The following ATXN1 variants were observed in gnomAD, a reference collection of about 807,000 sequenced individuals.
ATXN1 encodes ataxin-1.
ATXN1 carries 8 observed loss-of-function variants against 56.4 expected under a neutral mutation model. That is an observed-to-expected ratio of 0.14 (90% CI 0.08 to 0.26). The LOEUF is 0.26. Among genes scored for constraint, ATXN1 ranks in the 10% least tolerant of loss-of-function variants. The probability of loss-of-function intolerance (pLI) is 1.00; values close to 1 mark genes in which losing one functional copy is unlikely to be tolerated. For missense variants in ATXN1, 987 were observed against 1,106.5 expected (o/e 0.89, Z 1.53); for synonymous variants, 514 against 494.6 (o/e 1.04, Z -0.52).
In ATXN1 at chr6:16,722,760, A is replaced by G. The variant is rs183560843; in HGVS notation, c.-615+30473T>C. Among the ~76,000 whole-genome samples the G allele has an allele frequency of 7.5e-4, 115 of 152,342 alleles. 3 individuals carry two copies. Among genetic ancestry groups the G allele is most frequent in the Non-Finnish European group, 4.7e-4 (32 of 68,032 alleles). On this transcript the variant is annotated intron_variant, in intron 2 of 7. Transcript: ENST00000436367. ...TTAATATTTCCTGTAATAAAAACTG[A>G]GGTGTAGTTACTCAGGTTCTTTAGT...
At chr6:16,565,551 CA>C (rs1762202190) in intron 4 of ATXN1, among the ~76,000 whole-genome samples, 1 of 151,982 alleles carries the variant, frequency 6.6e-6, no homozygotes, top group South Asian at 2.1e-4. Flanking sequence ...TATTCATTTG[CA>C]AAAATAACAA....
intron 4 of ATXN1, among the ~76,000 whole-genome samples, chr6:16,524,828 G>A (rs1761360068): frequency 6.6e-6 from 1 of 152,128 alleles, no homozygotes; most frequent in South Asian, 2.1e-4. Flanking sequence ...CAAGCCAGGT[G>A]GATCACCTGA....
At chr6:16,533,221 A>AAAG (rs372406871) in intron 4 of ATXN1, among the ~76,000 whole-genome samples, 11 of 152,172 alleles carry the variant, frequency 7.2e-5, no homozygotes, top group Middle Eastern at 3.4e-3. Context: ...ATCACAATAA[A>AAAG]AAGAAGAAGA....
chr6:16,673,057 G>A (rs971950729), intron 2 of ATXN1, among the ~76,000 whole-genome samples: 10 of 148,396 alleles, frequency 6.7e-5, no homozygotes, highest in South Asian at 2.2e-4. Flanking sequence ...GAAAGAAAAC[G>A]GAAAAGGCAA....
intron 6 of ATXN1, among the ~76,000 whole-genome samples, chr6:16,413,764 T>C (rs1175005064): frequency 6.6e-6 from 1 of 152,168 alleles, no homozygotes; most frequent in African/African-American, 2.4e-5. Context: ...GCTTTTTTAC[T>C]GACGCAATGG....
rs368094361 is a variant in ATXN1 at position 16,508,430 on chromosome 6, G to A, written c.-299+14197C>T. ...TCCTTAAATGCTTATAGACAAACTG[G>A]CCAAAAAATTCATTGAAAGGATAAA... On this transcript the variant is annotated intron_variant, in intron 5 of 7. Transcript: ENST00000436367. Among the ~76,000 whole-genome samples, 14 of 152,100 alleles carry A rather than the reference G, an allele frequency of 9.2e-5. No individual in the cohort carries two copies. The South Asian group carries it at 2.9e-3, about 32-fold the overall frequency.
intron 4 of ATXN1, among the ~76,000 whole-genome samples, chr6:16,561,761 G>C (rs1476057919): frequency 6.6e-6 from 1 of 152,148 alleles, no homozygotes; most frequent in African/African-American, 2.4e-5. Flanking sequence ...GGAGGCAGGA[G>C]GATGATCCTA....
At chr6:16,758,502 T>G (rs1386377617) in intron 1 of ATXN1, among the ~76,000 whole-genome samples, 2 of 152,228 alleles carry the variant, frequency 1.3e-5, no homozygotes, top group South Asian at 2.1e-4. Context: ...TTATAAAAGT[T>G]GAGTAGCTAG....
chr6:16,357,016 C>A (rs1174148012), intron 6 of ATXN1, among the ~76,000 whole-genome samples: 1 of 152,078 alleles, frequency 6.6e-6, no homozygotes, highest in Non-Finnish European at 1.5e-5. Flanking sequence ...TCTTTATATT[C>A]TTTTCACCAA....
At chr6:16,402,253 T>G (rs1290610614) in intron 6 of ATXN1, among the ~76,000 whole-genome samples, 3 of 17,220 alleles carry the variant, frequency 1.7e-4, no homozygotes, top group African/African-American at 2.5e-4. Flanking sequence ...TTTTTTTTTT[T>G]TTTTTTTTTT....
intron 6 of ATXN1, among the ~76,000 whole-genome samples, chr6:16,417,636 C>T (rs994388815): frequency 2.6e-5 from 4 of 152,010 alleles, no homozygotes; most frequent in Non-Finnish European, 4.4e-5. Flanking sequence ...GACGGGGTTT[C>T]GCCATATTAG....
chr6:16,345,723 C>T (rs570442395), intron 6 of ATXN1, among the ~76,000 whole-genome samples: 3 of 152,238 alleles, frequency 2.0e-5, no homozygotes, highest in East Asian at 3.9e-4. Flanking sequence ...CGAGTTGTTT[C>T]CAGTCACTAG....
intron 3 of ATXN1, among the ~76,000 whole-genome samples, chr6:16,631,483 C>T (rs542454330): frequency 3.5e-4 from 54 of 152,288 alleles, no homozygotes; most frequent in African/African-American, 1.2e-3. Flanking sequence ...TGGTGCAAAG[C>T]ACTAAAATCA....
Position 16,327,034 on chromosome 6 carries a change from T to C in ATXN1, c.1277A>G (p.Tyr426Cys). ...AATGACCGTGTGGGGTGAGAGCGCG[T>C]AGGACCGGTGGCCAGGCTTCCCTAA... ...LHLGKPGHRS[Y>C]ALSPHTVIQT... The change falls in exon 7 of 8, where the codon TAC becomes TGC. Residue 426 changes from tyrosine (Y) to cysteine (C), a missense_variant. Tyr to Cys is a radical substitution (Grantham distance 194). Coordinates refer to ENST00000436367, the MANE Select transcript of ATXN1 (RefSeq NM_001128164.2). 1 of 1,614,006 alleles carries C rather than the reference T, an allele frequency of 6.2e-7. No homozygotes were observed. Among genetic ancestry groups the C allele is most frequent in the Non-Finnish European group, 8.5e-7 (1 of 1,179,994 alleles).
chr6:16,730,298 A>G (rs189085794), intron 2 of ATXN1, among the ~76,000 whole-genome samples: 74 of 152,252 alleles, frequency 4.9e-4, no homozygotes, highest in Admixed American at 1.5e-3. Context: ...AAATAAATTA[A>G]TAAATGGAAA....
intron 6 of ATXN1, among the ~76,000 whole-genome samples, chr6:16,349,016 T>C (rs1335443013): frequency 6.6e-6 from 1 of 152,224 alleles, no homozygotes; most frequent in Non-Finnish European, 1.5e-5. Flanking sequence ...CTCAGTTTGC[T>C]CATCTCCAAA....
At chr6:16,397,741 C>T (rs956948895) in intron 6 of ATXN1, among the ~76,000 whole-genome samples, 2 of 152,164 alleles carry the variant, frequency 1.3e-5, no homozygotes, top group African/African-American at 4.8e-5. Flanking sequence ...GATTTACTCC[C>T]TCTGTTTATC....
At chr6:16,512,603 G>A (rs749679350) in intron 5 of ATXN1, among the ~76,000 whole-genome samples, 7 of 151,860 alleles carry the variant, frequency 4.6e-5, no homozygotes, top group African/African-American at 1.2e-4. Context: ...TTTTTTTGTC[G>A]CAATCGGTTA....
intron 6 of ATXN1, among the ~76,000 whole-genome samples, chr6:16,373,974 T>C (rs1224603053): frequency 6.6e-6 from 1 of 152,136 alleles, no homozygotes; most frequent in Non-Finnish European, 1.5e-5. Context: ...GACCAACATG[T>C]TATATCAATG....
Sources: gnomAD v4.1 joint callset for allele counts (sites outside exome capture counted in the v4.1 genomes callset) on GRCh38, gnomAD v4.1.1 for gene constraint, MANE v1.5 for transcripts, NCBI Gene and HGNC (gene_info 2026-07-23, HGNC 2026-07-21) for gene names.